DIXDC1: variants seen among roughly 807,000 people sequenced by gnomAD.
The protein encoded by DIXDC1 is dixin.
A neutral mutation model predicts 103.1 loss-of-function variants in DIXDC1; 64 were observed. The observed-to-expected ratio is 0.62, with a 90% CI of 0.51 to 0.76. The LOEUF (loss-of-function observed/expected upper bound fraction) is 0.76. Ranked by LOEUF, DIXDC1 falls within the 30% of genes least tolerant of loss-of-function variation. The pLI is 0.00. For missense variants in DIXDC1, 759 were observed against 834.2 expected (o/e 0.91, Z 1.11); for synonymous variants, 266 against 298.5 (o/e 0.89, Z 1.12).
intron 5 of DIXDC1, among the ~76,000 whole-genome samples, chr11:111,978,405 G>A (rs1320946108): frequency 1.3e-5 from 2 of 152,066 alleles, no homozygotes; most frequent in African/African-American, 4.8e-5. Flanking sequence ...GCTCTGACAT[G>A]TGCCTCGGGA....
At chr11:111,937,129 G>GGGT, upstream of DIXDC1, 4 of 708,176 alleles carry the variant, frequency 5.6e-6, no homozygotes, top group African/African-American at 2.5e-5. Flanking sequence ...CTGCGGCCCG[G>GGGT]GCGGGGGGGG....
intron 16 of DIXDC1, 81 bp downstream of exon 16, chr11:111,995,645 A>G: frequency 6.4e-7 from 1 of 1,551,638 alleles, no homozygotes; most frequent in East Asian, 2.2e-5. Context: ...AGATGAAGGC[A>G]GTGTGAAGAG....
chr11:111,938,322 C>T (rs1966291219), intron 1 of DIXDC1, among the ~76,000 whole-genome samples: 1 of 152,180 alleles, frequency 6.6e-6, no homozygotes, highest in Non-Finnish European at 1.5e-5. Flanking sequence ...GCTTCCCCCT[C>T]AAGATTTGCT....
upstream of DIXDC1, among the ~76,000 whole-genome samples, chr11:111,932,603 GA>G (rs1166369463): frequency 2.7e-5 from 4 of 147,032 alleles, no homozygotes; most frequent in Non-Finnish European, 6.0e-5. Flanking sequence ...AAAAAAAAAA[GA>G]AAAAATCATG....
At chr11:111,999,684 G>C (rs587632428) in intron 17 of DIXDC1, among the ~76,000 whole-genome samples, 81 of 152,180 alleles carry the variant, frequency 5.3e-4, no homozygotes, top group Non-Finnish European at 9.4e-4. Context: ...GGCCAACATG[G>C]TGAAACCCTG....
chr11:111,996,066 G>T lies in DIXDC1; in HGVS notation c.1690-14G>T. 2 of 1,612,836 alleles carry T rather than the reference G, an allele frequency of 1.2e-6. No individual in the cohort carries two copies. The highest frequency in any genetic ancestry group is 1.7e-6 in the Non-Finnish European group (2 of 1,179,454). The stretch of plus-strand genomic sequence containing the variant: ...ATTGATCATAACTCTTGTGATTTTT[G>T]TGTGGCTCCCCAGGTTCGGGTCAAG... On this transcript the variant is annotated splice_polypyrimidine_tract_variant and intron_variant, in intron 16 of 19. Transcript: ENST00000440460.
chr11:111,928,131 T>C (rs183718449), intron 1 of DIXDC1, among the ~76,000 whole-genome samples: 1 of 151,500 alleles, frequency 6.6e-6, no homozygotes, highest in East Asian at 1.9e-4. Flanking sequence ...ATCATTACCA[T>C]TATCACTTTT....
intron 11 of DIXDC1, 132 bp from the exon 12 acceptor site, chr11:111,992,819 G>A: frequency 1.1e-6 from 1 of 920,268 alleles, no homozygotes; most frequent in Non-Finnish European, 1.6e-6. Flanking sequence ...GAGCAGCTGT[G>A]TATTTTTACC....
intron 17 of DIXDC1, among the ~76,000 whole-genome samples, chr11:112,000,130 G>A (rs1009709556): frequency 6.6e-6 from 1 of 151,758 alleles, no homozygotes; most frequent in Non-Finnish European, 1.5e-5. Context: ...GGGAGACTTC[G>A]TCTCAAAAAT....
chr11:111,981,154 T>C (rs1292702599), intron 6 of DIXDC1, among the ~76,000 whole-genome samples: 11 of 152,104 alleles, frequency 7.2e-5, no homozygotes, highest in African/African-American at 2.7e-4. Context: ...GTAAACACTT[T>C]TATTATTCCT....
chr11:111,989,088 A>G, intron 10 of DIXDC1, 33 bp downstream of exon 10: 1 of 1,550,088 alleles, frequency 6.5e-7, no homozygotes, highest in Non-Finnish European at 8.7e-7. Flanking sequence ...CTTTAAATAA[A>G]GTCTCTGCAA....
chr11:112,016,347 G>T (rs1861589142), intron 17 of DIXDC1, among the ~76,000 whole-genome samples: 1 of 152,018 alleles, frequency 6.6e-6, no homozygotes, highest in Admixed American at 6.6e-5. Flanking sequence ...CTAAATATTG[G>T]CAGAGTCTAC....
upstream of DIXDC1, chr11:111,937,133 G>GC (rs1566450695): frequency 4.4e-6 from 3 of 684,904 alleles, 1 homozygote; most frequent in Middle Eastern, 1.5e-3. Flanking sequence ...GGCCCGGGCG[G>GC]GGGGGGGGTG....
chr11:111,992,936 T>C lies in DIXDC1; in HGVS notation c.1219-15T>C, dbSNP rs1220096896. 1.2e-6 allele frequency: 2 copies of C among 1,602,680 alleles called. No individual in the cohort carries two copies. Among genetic ancestry groups the C allele is most frequent in the African/African-American group, 2.7e-5 (2 of 74,942 alleles). ...GCAGTACCTGCGTGCCATGAATTCT[T>C]TCTTATTCTTGCAGGTGGATCTGCA... On this transcript the variant is annotated splice_polypyrimidine_tract_variant and intron_variant, in intron 11 of 19. Coordinates refer to ENST00000440460, the MANE Select transcript of DIXDC1 (RefSeq NM_001037954.4).
intron 1 of DIXDC1, among the ~76,000 whole-genome samples, chr11:111,929,250 A>T (rs1410112862): frequency 2.0e-5 from 3 of 152,244 alleles, no homozygotes; most frequent in African/African-American, 4.8e-5. Context: ...AGAAGGAAGT[A>T]AATGCCAGTA....
intron 9 of DIXDC1, among the ~76,000 whole-genome samples, chr11:111,988,684 T>C (rs1566537729): frequency 6.6e-6 from 1 of 152,204 alleles, no homozygotes; most frequent in Admixed American, 6.5e-5. Flanking sequence ...ATTATTATAA[T>C]TAGGTTTTCC....
At position 111,980,774 on chromosome 11, in the gene DIXDC1, G is replaced by A. The variant is rs782742979; in HGVS notation, c.694G>A (p.Glu232Lys). 31 of 1,613,794 alleles carry A rather than the reference G, an allele frequency of 1.9e-5. No individual in the cohort carries two copies. Among genetic ancestry groups the A allele is most frequent in the Admixed American group, 5.0e-5 (3 of 59,986 alleles). ...SPSPIHSAKSESIITQSEEKA... is the reference protein window; with the variant it reads ...SPSPIHSAKSKSIITQSEEKA... ...CAGTCCAATCCACAGTGCAAAGAGC[G>A]AGTCCATTATAACCCAGTCAGAAGA... Residue 232 changes from glutamate to lysine, a missense_variant, in exon 6 of 20, where the codon GAG (glutamate) becomes AAG (lysine). Around this residue, in one of 3 missense-constraint regions of DIXDC1, gnomAD observed 657 missense variants for 727.5 expected, o/e 0.90. Transcript: ENST00000440460.
intron 9 of DIXDC1, 123 bp from the exon 10 acceptor site, chr11:111,988,882 A>T (rs1426105542): frequency 5.3e-6 from 4 of 752,028 alleles, no homozygotes; most frequent in African/African-American, 5.3e-5. Flanking sequence ...TTTCTGCCTT[A>T]GTAGAGGGTT....
chr11:111,939,122 G>A (rs1245975846), intron 1 of DIXDC1, among the ~76,000 whole-genome samples: 2 of 152,160 alleles, frequency 1.3e-5, no homozygotes, highest in Non-Finnish European at 2.9e-5. Flanking sequence ...TATACCTCCT[G>A]CCCCAACTTA....
Sources: allele counts gnomAD v4.1 joint callset (sites outside exome capture counted in the v4.1 genomes callset), GRCh38; gene constraint gnomAD v4.1.1; regional missense constraint gnomAD v4.1.1; transcripts MANE v1.5; gene names NCBI Gene and HGNC (gene_info 2026-07-23, HGNC 2026-07-21).